The following CFAP97 variants were observed in gnomAD, a reference collection of about 807,000 sequenced individuals.
CFAP97 encodes the protein cilia- and flagella-associated protein 97.
A neutral mutation model predicts 43.1 loss-of-function variants in CFAP97; 36 were observed. The observed-to-expected ratio is 0.84, with a 90% CI of 0.64 to 1.10. The LOEUF (loss-of-function observed/expected upper bound fraction) is 1.10, where lower values mean the gene tolerates loss of function less well. Among genes scored for constraint, CFAP97 ranks in the 50% least tolerant of loss-of-function variants. The pLI is 0.00. For synonymous variants in CFAP97, 228 were observed against 225.7 expected (o/e 1.01, Z -0.09); for missense variants, 657 against 620.3 (o/e 1.06, Z -0.63).
intron 1 of CFAP97, among the ~76,000 whole-genome samples, chr4:185,197,608 A>C (rs1349363934): frequency 6.6e-6 from 1 of 151,912 alleles, no homozygotes; most frequent in Non-Finnish European, 1.5e-5. Context: ...TTGTATTTTT[A>C]GTAGAGATGG....
intron 3 of CFAP97, chr4:185,170,381 C>A: frequency 2.1e-6 from 1 of 467,828 alleles, no homozygotes; most frequent in Non-Finnish European, 3.8e-6. Flanking sequence ...TGTATACTAG[C>A]AGACAAAGCA....
chr4:185,201,525 C>A (rs1230822898), intron 1 of CFAP97, among the ~76,000 whole-genome samples: 1 of 152,056 alleles, frequency 6.6e-6, no homozygotes, highest in African/African-American at 2.4e-5. Flanking sequence ...GAGGCAAGAC[C>A]CTCCACCAGC....
At chr4:185,208,081 T>G (rs1184165029), upstream of CFAP97, among the ~76,000 whole-genome samples, 1 of 152,188 alleles carries the variant, frequency 6.6e-6, no homozygotes, top group East Asian at 1.9e-4. Flanking sequence ...GCAAAAGGGC[T>G]TCTTCAAAAT....
At position 185,192,733 on chromosome 4, in the gene CFAP97, C is replaced by CTTTTTTTTTTTTTTT. The variant is rs760026667; in HGVS notation, c.-16-1536_-16-1522dup. ...CCTTCTTAAGATCAGAATTGACCTT[C>CTTTTTTTTTTTTTTT]TTTTTTTTTTTTTTTTTTTTTTTTT... On this transcript the variant is annotated intron_variant, in intron 1 of 4. Transcript: ENST00000458385. Among the ~76,000 whole-genome samples, 7 of 81,418 alleles carry CTTTTTTTTTTTTTTT rather than the reference C, an allele frequency of 8.6e-5. 1 individual carries two copies. Among genetic ancestry groups the CTTTTTTTTTTTTTTT allele is most frequent in the African/African-American group, 3.8e-4 (7 of 18,352 alleles). The allele number at this position is 81,418 out of a possible 152,430, so 53.4% of individuals were successfully genotyped here. A position where few individuals can be genotyped will look rare whatever the true frequency, so the allele number is the denominator to read the frequency against.
chr4:185,201,364 C>T (rs1279269732), intron 1 of CFAP97, among the ~76,000 whole-genome samples: 12 of 150,500 alleles, frequency 8.0e-5, no homozygotes, highest in Non-Finnish European at 1.8e-4. Context: ...GGATAAAATG[C>T]TGTCAAGCAG....
intron 1 of CFAP97, among the ~76,000 whole-genome samples, chr4:185,192,117 G>A (rs1736287600): frequency 6.6e-6 from 1 of 152,194 alleles, no homozygotes; most frequent in Non-Finnish European, 1.5e-5. Flanking sequence ...GAAGGAAGAA[G>A]CAGAGACAAG....
In CFAP97 at chr4:185,190,100, T is replaced by C. The variant is rs374331121; in HGVS notation, c.1054+43A>G. On this transcript the variant is annotated intron_variant, in intron 2 of 4. Transcript: ENST00000458385. ...TAGCATTTAATATTTATGCCCAATA[T>C]ATAATATTTAAACACACATTTTTAA... The C allele has an allele frequency of 1.3e-5, 19 of 1,407,440 alleles. No individual in the cohort carries two copies. The African/African-American group carries it at 1.9e-4, about 14-fold the overall frequency. The allele number at this position is 1,407,440 out of a possible 1,614,324, so 87.2% of individuals were successfully genotyped here.
intron 3 of CFAP97, chr4:185,169,827 A>G: frequency 2.0e-6 from 2 of 985,548 alleles, no homozygotes; most frequent in Non-Finnish European, 2.4e-6. Flanking sequence ...TGGGAGTCAC[A>G]CTGAGTTATC....
chr4:185,166,003 T>C (rs1204300103), intron 3 of CFAP97, among the ~76,000 whole-genome samples: 2 of 152,252 alleles, frequency 1.3e-5, no homozygotes, highest in South Asian at 2.1e-4. Context: ...GCAAAACACA[T>C]GAAGAACCGG....
intron 2 of CFAP97, among the ~76,000 whole-genome samples, chr4:185,188,261 C>G (rs549039407): frequency 6.2e-4 from 94 of 152,046 alleles, no homozygotes; most frequent in Middle Eastern, 3.4e-3. Flanking sequence ...ACTCAAGGGA[C>G]CCTCTAGCCT....
intron 2 of CFAP97, 79 bp from the exon 3 acceptor site, chr4:185,176,130 T>TTTTTTTTTTTTTTTTTTTTG (rs1560860378): frequency 8.7e-7 from 1 of 1,146,398 alleles, no homozygotes. Context: ...TTTCTCTTTT[T>TTTTTTTTTTTTTTTTTTTTG]AGACGGAGTT....
At chr4:185,192,534 A>G (rs1736310298) in intron 1 of CFAP97, among the ~76,000 whole-genome samples, 1 of 152,144 alleles carries the variant, frequency 6.6e-6, no homozygotes, top group African/African-American at 2.4e-5. Context: ...ATGTATTACT[A>G]TGATAAAAAA....
Position 185,199,961 on chromosome 4 carries a change from TAAGTC to T in CFAP97, c.-17+3932_-17+3936del, listed in dbSNP as rs373043061. Reference sequence around the variant, plus strand: ...ACTCTGCAGCCCATGGTTCAAGGAGTAAGTCAAATTTCAAGTCTTACTTTTCAAGA... The same window carrying T: ...ACTCTGCAGCCCATGGTTCAAGGAGTAAATTTCAAGTCTTACTTTTCAAGA... On this transcript the variant is annotated intron_variant, in intron 1 of 4. Coordinates refer to ENST00000458385, the MANE Select transcript of CFAP97 (RefSeq NM_020827.3). Among the ~76,000 whole-genome samples, 3 of 152,278 alleles carry T rather than the reference TAAGTC, an allele frequency of 2.0e-5. 1 individual carries two copies. The highest frequency in any genetic ancestry group is 7.2e-5 in the African/African-American group (3 of 41,566).
chr4:185,168,540 G>A (rs1735160980), intron 3 of CFAP97, among the ~76,000 whole-genome samples: 1 of 152,074 alleles, frequency 6.6e-6, no homozygotes, highest in Non-Finnish European at 1.5e-5. Flanking sequence ...CTGGGAGGCA[G>A]AGGCAGAGTG....
At chr4:185,185,790 C>T (rs1560866291) in intron 2 of CFAP97, among the ~76,000 whole-genome samples, 2 of 152,022 alleles carry the variant, frequency 1.3e-5, no homozygotes, top group African/African-American at 2.4e-5. Flanking sequence ...GTAGCACACA[C>T]CACCATGCCT....
Position 185,191,068 on chromosome 4 carries a change from T to C in CFAP97, c.129A>G (p.Arg43=), listed in dbSNP as rs1312496682. The C allele has an allele frequency of 5.0e-6, 8 of 1,613,394 alleles. No homozygotes were observed. In the South Asian group the frequency reaches 7.7e-5, roughly 16 times the overall value. The change falls in exon 2 of 5, where the codon AGA becomes AGG. Residue 43 remains arginine, a synonymous_variant. Transcript: ENST00000458385. ...TTACATTTTTTGTATCTTTATCTATTCTTTCCTTTGGGTCATCATTTTGCT... is the reference window on the plus strand; with the variant it reads ...TTACATTTTTTGTATCTTTATCTATCCTTTCCTTTGGGTCATCATTTTGCT... ...FDKQNDDPKE[R]IDKDTKNVNS...
At chr4:185,187,982 C>A (rs1321436539) in intron 2 of CFAP97, among the ~76,000 whole-genome samples, 1 of 151,984 alleles carries the variant, frequency 6.6e-6, no homozygotes, top group African/African-American at 2.4e-5. Flanking sequence ...CTGCAACCTC[C>A]ACCTCCTGGG....
chr4:185,187,908 AT>A (rs1255313637), intron 2 of CFAP97, among the ~76,000 whole-genome samples: 1 of 151,844 alleles, frequency 6.6e-6, no homozygotes, highest in Non-Finnish European at 1.5e-5. Flanking sequence ...TACTATTATC[AT>A]TTTTTTGAGA....
At chr4:185,165,687 T>C (rs949844112) in intron 3 of CFAP97, among the ~76,000 whole-genome samples, 9 of 152,250 alleles carry the variant, frequency 5.9e-5, no homozygotes, top group African/African-American at 2.2e-4. Flanking sequence ...AATCTTTTCT[T>C]CTTTCTTCCT....
Sources: gnomAD v4.1 joint callset for allele counts (sites outside exome capture counted in the v4.1 genomes callset) on GRCh38, gnomAD v4.1.1 for gene constraint, MANE v1.5 for transcripts, NCBI Gene and HGNC (gene_info 2026-07-23, HGNC 2026-07-21) for gene names.